The following SIRT6 variants were observed in gnomAD, a reference collection of about 807,000 sequenced individuals.
SIRT6 encodes the protein NAD-dependent protein deacylase sirtuin-6.
SIRT6 carries 21 observed loss-of-function variants against 33.6 expected under a neutral mutation model. The observed-to-expected ratio is 0.62, with a 90% confidence interval of 0.44 to 0.90. The LOEUF (loss-of-function observed/expected upper bound fraction) is 0.90. SIRT6 is among the 40% of genes least tolerant of loss of function. SIRT6 has a pLI of 0.00. For synonymous variants in SIRT6, 221 were observed against 223.9 expected (o/e 0.99, Z 0.12); for missense variants, 504 against 510.6 (o/e 0.99, Z 0.12).
chr19:4,178,834 G>T (rs1967455980), intron 3 of SIRT6, among the ~76,000 whole-genome samples: 1 of 152,106 alleles, frequency 6.6e-6, no homozygotes, highest in Non-Finnish European at 1.5e-5. Flanking sequence ...ACGAAACTCG[G>T]TCTCAAAAAC....
intron 1 of SIRT6, 21 bp from the exon 2 acceptor site, chr19:4,180,930 C>T (rs202187341): frequency 2.3e-5 from 37 of 1,596,974 alleles, no homozygotes; most frequent in Middle Eastern, 1.7e-4. Context: ...AGAGAGCAGA[C>T]GGAGGGGTCA....
At position 4,179,211 on chromosome 19, in the gene SIRT6, CCG is replaced by C; in HGVS notation, c.268_269del (p.Arg90AlafsTer55). 6.2e-7 allele frequency: 1 copy of C among 1,611,346 alleles called. No individual in the cohort carries two copies. Among genetic ancestry groups the C allele is most frequent in the Non-Finnish European group, 8.5e-7 (1 of 1,179,328 alleles). The part of the protein sequence containing the change: ...PKFDTTFESA[R>X]PTQTHMALVQ... ...CCAGCGCCATGTGGGTCTGCGTGGG[CCG>C]CGCGCTCTCAAAGGTGGTGTCGAAC... On this transcript the variant is annotated frameshift_variant, in exon 3 of 8. Coordinates refer to ENST00000337491, the MANE Select transcript of SIRT6 (RefSeq NM_016539.4). LOFTEE classifies it high-confidence loss of function.
At chr19:4,177,804 A>G (rs1464261075) in intron 3 of SIRT6, among the ~76,000 whole-genome samples, 2 of 151,858 alleles carry the variant, frequency 1.3e-5, no homozygotes, top group Non-Finnish European at 2.9e-5. Context: ...GTTAGCCAGG[A>G]TGGTCTCGAT....
intron 1 of SIRT6, 130 bp downstream of exon 1, chr19:4,182,344 C>G (rs1967748653): frequency 3.2e-6 from 3 of 941,566 alleles, no homozygotes; most frequent in Non-Finnish European, 4.6e-6. Context: ...CCGCCCCTTC[C>G]TCACTGGGAA....
In SIRT6 at chr19:4,180,895, CG is replaced by C. The variant is rs766524945; in HGVS notation, c.80del (p.Pro27ArgfsTer133). The C allele has an allele frequency of 1.2e-6, 2 of 1,611,910 alleles. No homozygotes were observed. The highest frequency in any genetic ancestry group is 1.7e-6 in the Non-Finnish European group (2 of 1,179,134). On this transcript the variant is annotated frameshift_variant, in exon 2 of 8. Coordinates refer to ENST00000337491, the MANE Select transcript of SIRT6 (RefSeq NM_016539.4). LOFTEE classifies it high-confidence loss of function. ...CCCACACCTTCCGCTCCAGCTCCTC[CG>C]GGGGGTCGAAGATCTGTGGGGGGAG... ...KCGLPEIFDP[P>X]EELERKVWEL...
At chr19:4,176,226 A>G (rs987503793) in intron 4 of SIRT6, among the ~76,000 whole-genome samples, 12 of 152,198 alleles carry the variant, frequency 7.9e-5, no homozygotes, top group African/African-American at 2.9e-4. Flanking sequence ...CAATTGGAGC[A>G]TGGGGGCGAC....
chr19:4,179,603 T>C (rs1243585437), intron 2 of SIRT6: 1 of 417,710 alleles, frequency 2.4e-6, no homozygotes, highest in African/African-American at 2.1e-5. Flanking sequence ...AAAAATGACT[T>C]ATTCTATTCA....
Position 4,177,040 on chromosome 19 carries a change from C to G in SIRT6, c.437+39G>C, listed in dbSNP as rs200807982. Reference sequence around the variant, plus strand: ...CATCGGATTCGACCCCCAACCCCCTCTGGCAGAGCCCCCACCCCTGCACCC... The same window carrying G: ...CATCGGATTCGACCCCCAACCCCCTGTGGCAGAGCCCCCACCCCTGCACCC... On this transcript the variant is annotated intron_variant, in intron 4 of 7. Coordinates refer to ENST00000337491, the MANE Select transcript of SIRT6 (RefSeq NM_016539.4). 2.6e-5 allele frequency: 41 copies of G among 1,586,424 alleles called. No individual in the cohort carries two copies. In the African/African-American group the frequency reaches 5.2e-4, roughly 20 times the overall value.
chr19:4,179,261 C>T lies in SIRT6; in HGVS notation c.220G>A (p.Glu74Lys). Residue 74 changes from glutamate (E) to lysine (K), a missense_variant, in exon 3 of 8, where the codon GAG becomes AAG. Physicochemically the swap from Glu to Lys is moderately conservative, Grantham distance 56 (BLOSUM62 1). Coordinates refer to ENST00000337491, the MANE Select transcript of SIRT6 (RefSeq NM_016539.4). ...AACTTGGGGGCCAGACCTCGCTCCT[C>T]CATGGTCCAGACTCCGTGGGGACCC... ...FRGPHGVWTM[E>K]ERGLAPKFDT... is the part of the protein sequence containing the mutation. 6.2e-7 allele frequency: 1 copy of T among 1,606,284 alleles called. No individual in the cohort carries two copies. The highest frequency in any genetic ancestry group is 8.5e-7 in the Non-Finnish European group (1 of 1,176,876).
Position 4,174,660 on chromosome 19 carries a change from T to C in SIRT6, c.1025A>G (p.His342Arg). Residue 342 changes from histidine to arginine, a missense_variant, in exon 8 of 8, where the codon CAC (histidine) becomes CGC (arginine). Coordinates refer to ENST00000337491, the MANE Select transcript of SIRT6 (RefSeq NM_016539.4). The surrounding 1 kb of genome is among the most constrained non-coding windows in gnomAD (Gnocchi z 4.2). ...GGCCTTCACCCTTTTGGGGGGTCTG[T>C]GGGGGGCAGGGCTGGTGGGCCGCTC... ...KRERPTSPAPHRPPKRVKAKA... is the reference protein window; with the variant it reads ...KRERPTSPAPRRPPKRVKAKA... The C allele has an allele frequency of 6.9e-7, 1 of 1,454,974 alleles. No individual in the cohort carries two copies. The highest frequency in any genetic ancestry group is 9.1e-7 in the Non-Finnish European group (1 of 1,101,448). The allele number at this position is 1,454,974 out of a possible 1,614,324, so 90.1% of individuals were successfully genotyped here.
intron 1 of SIRT6, 86 bp downstream of exon 1, chr19:4,182,388 A>C (rs943685402): frequency 7.3e-7 from 1 of 1,361,602 alleles, no homozygotes; most frequent in African/African-American, 1.5e-5. Context: ...GTGCCCCCTG[A>C]TATTCCCACA....
In SIRT6 at chr19:4,176,328, C is replaced by T. The variant is rs552384669; in HGVS notation, c.438-391G>A. 3.3e-5 allele frequency among the ~76,000 whole-genome samples: 5 copies of T among 152,324 alleles called. No homozygotes were observed. In the East Asian group the frequency reaches 9.6e-4, roughly 29 times the overall value. The stretch of plus-strand genomic sequence containing the variant: ...ATACTGGGCCGGGCGTGGTGGCTCA[C>T]GCCTGTCATCCCAGCACTTTGGGAG... On this transcript the variant is annotated intron_variant, in intron 4 of 7. Transcript: ENST00000337491.
chr19:4,179,574 GAT>G, intron 2 of SIRT6: 1 of 465,442 alleles, frequency 2.1e-6, no homozygotes, highest in Non-Finnish European at 3.8e-6. Context: ...GAGAGAGAGA[GAT>G]GAATTCACAC....
At position 4,179,158 on chromosome 19, in the gene SIRT6, C is replaced by A. The variant is rs201136536; in HGVS notation, c.323G>T (p.Arg108Leu). 6.2e-7 allele frequency: 1 copy of A among 1,612,438 alleles called. No homozygotes were observed. Residue 108 changes from arginine (R) to leucine (L), a missense_variant, in exon 3 of 8, where the codon CGC becomes CTC. Arg to Leu is a moderately radical substitution (Grantham distance 102). Transcript: ENST00000337491. ...GTCCACGTTCTGGCTGACCAGGAAG[C>A]GGAGGAGGCCCACGCGCTCCAGCTG... The part of the protein sequence containing the change: ...LVQLERVGLL[R>L]FLVSQNVDGL...
Position 4,177,071 on chromosome 19 carries a change from G to T in SIRT6, c.437+8C>A, listed in dbSNP as rs199845125. 1 of 1,613,196 alleles carries T rather than the reference G, an allele frequency of 6.2e-7. No homozygotes were observed. The highest frequency in any genetic ancestry group is 1.7e-5 in the Admixed American group (1 of 59,938). On this transcript the variant is annotated splice_region_variant and intron_variant, in intron 4 of 7. Transcript: ENST00000337491. ...GAGCCCCCACCCCTGCACCCAGGTG[G>T]CACTCACGTCTTACACTTGGCACAT... is the stretch of plus-strand genomic sequence containing the variant.
Position 4,180,702 on chromosome 19 carries a change from T to A in SIRT6, c.194+80A>T. The A allele has an allele frequency of 2.0e-6, 3 of 1,531,438 alleles. No homozygotes were observed. In the South Asian group the frequency reaches 3.8e-5, roughly 19 times the overall value. The allele number at this position is 1,531,438 out of a possible 1,614,324, so 94.9% of individuals were successfully genotyped here. A position where few individuals can be genotyped will look rare whatever the true frequency, so the allele number is the denominator to read the frequency against. ...GGAAAGCAGATGGATGTGTTCTCAT[T>A]CCCAGATGTGTGTGGCTCGCAGGGA... On this transcript the variant is annotated intron_variant, in intron 2 of 7. Transcript: ENST00000337491.
At position 4,179,168 on chromosome 19, in the gene SIRT6, C is replaced by G; in HGVS notation, c.313G>C (p.Gly105Arg). The G allele has an allele frequency of 6.2e-7, 1 of 1,612,128 alleles. No homozygotes were observed. Among genetic ancestry groups the G allele is most frequent in the Middle Eastern group, 1.7e-4 (1 of 6,010 alleles). ...TGGCTGACCAGGAAGCGGAGGAGGCCCACGCGCTCCAGCTGCACCAGCGCC... is the reference window on the plus strand; with the variant it reads ...TGGCTGACCAGGAAGCGGAGGAGGCGCACGCGCTCCAGCTGCACCAGCGCC... ...HMALVQLERVGLLRFLVSQNV... is the reference protein window; with the variant it reads ...HMALVQLERVRLLRFLVSQNV... The change falls in exon 3 of 8, where the codon GGC becomes CGC. Residue 105 changes from glycine (G) to arginine (R), a missense_variant. Transcript: ENST00000337491.
chr19:4,175,099 C>T lies in SIRT6; in HGVS notation c.667G>A (p.Gly223Arg), dbSNP rs191314480. The change falls in exon 7 of 8, where the codon GGG becomes AGG. Residue 223 changes from glycine to arginine, a missense_variant. Coordinates refer to ENST00000337491, the MANE Select transcript of SIRT6 (RefSeq NM_016539.4). ...LGTSLQIRPS[G>R]NLPLATKRRG... ...CGCTTGGTAGCCAGCGGCAGGTTCC[C>T]GCTGGGCCGGATCTGCAGCGATGTA... 1.0e-4 allele frequency: 166 copies of T among 1,582,228 alleles called. No individual in the cohort carries two copies. Among genetic ancestry groups the T allele is most frequent in the South Asian group, 6.3e-4 (55 of 87,600 alleles).
chr19:4,179,572 G>A (rs968203023), intron 2 of SIRT6: 4 of 479,402 alleles, frequency 8.3e-6, no homozygotes, highest in African/African-American at 4.0e-5. Context: ...CAGAGAGAGA[G>A]AGATGAATTC....
Sources: allele counts gnomAD v4.1 joint callset (sites outside exome capture counted in the v4.1 genomes callset), GRCh38; gene constraint gnomAD v4.1.1; non-coding constraint Gnocchi (gnomAD v3.1); transcripts MANE v1.5; gene names NCBI Gene and HGNC (gene_info 2026-07-23, HGNC 2026-07-21).